KIF13B: variants seen among roughly 807,000 people sequenced by gnomAD.
KIF13B encodes kinesin family member 13B.
Under a neutral mutation model 222.0 loss-of-function variants are expected in KIF13B, and 127 were observed. The observed-to-expected ratio is 0.57, with a 90% CI of 0.50 to 0.66. The LOEUF is 0.66. Ranked by LOEUF, KIF13B falls within the 30% of genes least tolerant of loss-of-function variation. The probability of loss-of-function intolerance (pLI) is 0.00; values close to 1 mark genes in which losing one functional copy is unlikely to be tolerated. For missense variants in KIF13B, 2,173 were observed against 2,379.0 expected, an observed-to-expected ratio of 0.91 and a Z score of 1.80; for synonymous variants, 976 against 919.0, an observed-to-expected ratio of 1.06 and a Z score of -1.12.
intron 16 of KIF13B, 71 bp from the exon 17 acceptor site, chr8:29,147,673 T>C (rs1028261872): frequency 1.7e-6 from 2 of 1,147,832 alleles, no homozygotes; most frequent in Non-Finnish European, 1.3e-6. Context: ...TTGTTCTATA[T>C]GGTAATGTTG....
chr8:29,211,789 A>T (rs1307697656), intron 2 of KIF13B, among the ~76,000 whole-genome samples: 1 of 152,254 alleles, frequency 6.6e-6, no homozygotes, highest in Non-Finnish European at 1.5e-5. Flanking sequence ...TATAGAGCCC[A>T]GAATTGCTAA....
In KIF13B at chr8:29,165,667, C is replaced by A; in HGVS notation, c.1264G>T (p.Ala422Ser). The A allele has an allele frequency of 6.2e-7, 1 of 1,601,236 alleles. No homozygotes were observed. The highest frequency in any genetic ancestry group is 2.2e-5 in the East Asian group (1 of 44,830). The change falls in exon 12 of 40, where the codon GCA (alanine) becomes TCA (serine). Residue 422 changes from alanine (A) to serine (S), a missense_variant. By Grantham distance (99) the Ala-to-Ser change is moderately conservative. This residue lies in a region of KIF13B where 1,480 missense variants were observed against 1,722.8 expected (regional missense o/e 0.86). Coordinates refer to ENST00000524189, the MANE Select transcript of KIF13B (RefSeq NM_015254.4). ...EEKLRKTEEI[A>S]QERQKQLESL... ...CATCATCAGGAAACACGAACCTGTGCAATCTCCTCCGTTTTCCTTAATTTC... is the reference window on the plus strand; with the variant it reads ...CATCATCAGGAAACACGAACCTGTGAAATCTCCTCCGTTTTCCTTAATTTC...
In KIF13B at chr8:29,242,233, G is replaced by T. The variant is rs550102675; in HGVS notation, c.149+3113C>A. On this transcript the variant is annotated intron_variant, in intron 2 of 39. Coordinates refer to ENST00000524189, the MANE Select transcript of KIF13B (RefSeq NM_015254.4). ...CACACTCCAGCCTGGGCAACAGAGGGAGACCCTATCTCAAAAACAAACAAC... is the reference window on the plus strand; with the variant it reads ...CACACTCCAGCCTGGGCAACAGAGGTAGACCCTATCTCAAAAACAAACAAC... Among the ~76,000 whole-genome samples the T allele has an allele frequency of 2.0e-5, 3 of 152,068 alleles. No individual in the cohort carries two copies. In the South Asian group the frequency reaches 6.2e-4, roughly 32 times the overall value.
Position 29,145,178 on chromosome 8 carries a change from T to C in KIF13B, c.2187+1200A>G, listed in dbSNP as rs372251410. Among the ~76,000 whole-genome samples, 41 of 152,212 alleles carry C rather than the reference T, an allele frequency of 2.7e-4. No individual in the cohort carries two copies. In the South Asian group the frequency reaches 8.5e-3, roughly 32 times the overall value. On this transcript the variant is annotated intron_variant, in intron 18 of 39. Coordinates refer to ENST00000524189, the MANE Select transcript of KIF13B (RefSeq NM_015254.4). ...ACTAGTGTTCTAATTAAGTAAAAAT[T>C]TTCAAAATACACACAGAGTATACAA...
chr8:29,261,988 G>A (rs889200087), intron 1 of KIF13B, among the ~76,000 whole-genome samples: 1 of 152,150 alleles, frequency 6.6e-6, no homozygotes, highest in Admixed American at 6.5e-5. Flanking sequence ...CTTTGTCTCT[G>A]GTACTTAAAT....
intron 24 of KIF13B, 71 bp from the exon 25 acceptor site, chr8:29,127,339 C>G: frequency 7.5e-7 from 1 of 1,341,458 alleles, no homozygotes; most frequent in Non-Finnish European, 1.0e-6. Context: ...AGAGAGACCC[C>G]TACAGGCTGA....
intron 35 of KIF13B, among the ~76,000 whole-genome samples, chr8:29,101,277 C>A (rs1185492298): frequency 6.6e-6 from 1 of 152,182 alleles, no homozygotes; most frequent in Non-Finnish European, 1.5e-5. Flanking sequence ...GAAAAGCCAC[C>A]TGCTTTGTGT....
At chr8:29,076,108 G>A (rs1338779692) in intron 37 of KIF13B, among the ~76,000 whole-genome samples, 1 of 152,226 alleles carries the variant, frequency 6.6e-6, no homozygotes, top group Non-Finnish European at 1.5e-5. Flanking sequence ...CAGGAAAAGG[G>A]AAGCCTCGGG....
intron 2 of KIF13B, among the ~76,000 whole-genome samples, chr8:29,239,134 C>G (rs1024792029): frequency 9.9e-5 from 15 of 152,184 alleles, no homozygotes; most frequent in African/African-American, 2.9e-4. Context: ...GCATACCCGC[C>G]CAGCCCCCCA....
chr8:29,093,322 A>C (rs1808382832), intron 36 of KIF13B, among the ~76,000 whole-genome samples: 1 of 152,194 alleles, frequency 6.6e-6, no homozygotes, highest in African/African-American at 2.4e-5. Context: ...CTACTGAAGG[A>C]AGATGATGAA....
chr8:29,160,962 G>C, intron 12 of KIF13B, 95 bp from the exon 13 acceptor site: 2 of 1,028,540 alleles, frequency 1.9e-6, no homozygotes, highest in South Asian at 3.4e-5. Context: ...ATTCAATAGT[G>C]TTGTAATTCA....
At chr8:29,103,869 A>G (rs1808918624) in intron 35 of KIF13B, among the ~76,000 whole-genome samples, 1 of 152,184 alleles carries the variant, frequency 6.6e-6, no homozygotes, top group African/African-American at 2.4e-5. Flanking sequence ...AAGCGTTAAC[A>G]CAACTGTGAG....
At chr8:29,147,703 C>A in intron 16 of KIF13B, 101 bp from the exon 17 acceptor site, 1 of 834,888 alleles carries the variant, frequency 1.2e-6, no homozygotes. Flanking sequence ...TTAACTATAC[C>A]ACCTAATACT....
At chr8:29,231,890 A>T (rs1396446703) in intron 2 of KIF13B, among the ~76,000 whole-genome samples, 1 of 152,158 alleles carries the variant, frequency 6.6e-6, no homozygotes, top group Non-Finnish European at 1.5e-5. Flanking sequence ...TTTTTTAAGA[A>T]TTATAAAGAA....
chr8:29,165,960 T>C (rs751948577), intron 11 of KIF13B, among the ~76,000 whole-genome samples, 188 bp from the exon 12 acceptor site: 2 of 68,610 alleles, frequency 2.9e-5, no homozygotes, highest in Non-Finnish European at 6.4e-5. Flanking sequence ...CATTGAGTTA[T>C]CCAAAATATG....
chr8:29,259,553 A>G (rs1218454875), intron 1 of KIF13B, among the ~76,000 whole-genome samples: 1 of 152,242 alleles, frequency 6.6e-6, no homozygotes, highest in African/African-American at 2.4e-5. Context: ...TATAAGCCAG[A>G]TACCTGGCAG....
chr8:29,241,564 C>T (rs1815778755), intron 2 of KIF13B, among the ~76,000 whole-genome samples: 1 of 152,198 alleles, frequency 6.6e-6, no homozygotes, highest in South Asian at 2.1e-4. Context: ...AATACTAAGG[C>T]ATCTGCCTTT....
chr8:29,218,429 ACCTTAAACTATG>A (rs1261739270), intron 2 of KIF13B, among the ~76,000 whole-genome samples: 2 of 152,220 alleles, frequency 1.3e-5, no homozygotes, highest in Admixed American at 6.5e-5. Context: ...TAGACATGAG[ACCTTAAACTATG>A]CATTTCCTTA....
chr8:29,132,267 A>C (rs369382148), intron 23 of KIF13B, 41 bp downstream of exon 23: 336 of 1,351,052 alleles, frequency 2.5e-4, no homozygotes, highest in Non-Finnish European at 3.1e-4. Flanking sequence ...AAAAAAAATT[A>C]CATATATATA....
Sources: allele counts gnomAD v4.1 joint callset (sites outside exome capture counted in the v4.1 genomes callset), GRCh38; gene constraint gnomAD v4.1.1; regional missense constraint gnomAD v4.1.1; transcripts MANE v1.5; gene names NCBI Gene and HGNC (gene_info 2026-07-23, HGNC 2026-07-21).